Variants in WWOX observed in about 807,000 individuals in gnomAD.
WWOX encodes WW domain containing oxidoreductase.
A neutral mutation model predicts 46.2 loss-of-function variants in WWOX; 69 were observed. That is an observed-to-expected ratio of 1.49 (90% CI 1.23 to 1.82). The LOEUF is 1.82. WWOX is among the 40% of genes most tolerant of loss of function. The pLI, the probability that WWOX is intolerant of heterozygous loss-of-function variation, is 0.00. For missense variants in WWOX, 919 were observed against 542.6 expected (o/e 1.69, Z -6.89); for synonymous variants, 359 against 202.6 (o/e 1.77, Z -6.56).
chr16:78,598,465 T>G (rs1465637494), intron 8 of WWOX, among the ~76,000 whole-genome samples: 1 of 152,148 alleles, frequency 6.6e-6, no homozygotes, highest in Non-Finnish European at 1.5e-5. Context: ...CCTGTGCATT[T>G]TGGTTCATTT....
intron 8 of WWOX, among the ~76,000 whole-genome samples, chr16:79,155,810 T>C (rs145604992): frequency 2.8e-3 from 422 of 152,178 alleles, no homozygotes; most frequent in Non-Finnish European, 5.3e-3. Flanking sequence ...CCTTGTCTTA[T>C]ACCAGTGGTG....
intron 8 of WWOX, among the ~76,000 whole-genome samples, chr16:78,887,062 TATGTGTGTGTGTGTG>T (rs2044473546): frequency 1.1e-5 from 1 of 87,228 alleles, no homozygotes; most frequent in Non-Finnish European, 2.8e-5. Context: ...AGTCTGGCTA[TATGTGTGTGTGTGTG>T]GTGTGTGTGT....
chr16:78,616,616 A>G (rs760095421), intron 8 of WWOX, among the ~76,000 whole-genome samples: 2 of 151,512 alleles, frequency 1.3e-5, no homozygotes, highest in African/African-American at 4.9e-5. Context: ...CTAAAACTAA[A>G]AACTTAGCCA....
At chr16:78,191,200 C>G (rs1012522450) in intron 5 of WWOX, among the ~76,000 whole-genome samples, 11 of 152,256 alleles carry the variant, frequency 7.2e-5, no homozygotes, top group Non-Finnish European at 1.0e-4. Context: ...CCACACACAC[C>G]TTTGTGAGAA....
chr16:78,449,922 C>T (rs1257979365), intron 8 of WWOX, among the ~76,000 whole-genome samples: 1 of 151,028 alleles, frequency 6.6e-6, no homozygotes, highest in Non-Finnish European at 1.5e-5. Flanking sequence ...AGCCATAAAG[C>T]TTGGTAAGGC....
At chr16:78,294,415 C>G (rs768022878) in intron 5 of WWOX, among the ~76,000 whole-genome samples, 4 of 149,808 alleles carry the variant, frequency 2.7e-5, no homozygotes, top group African/African-American at 7.4e-5. Flanking sequence ...AACACCTCCT[C>G]TTTCCAATAT....
intron 8 of WWOX, among the ~76,000 whole-genome samples, chr16:79,112,239 C>G (rs570433189): frequency 6.6e-6 from 1 of 152,116 alleles, no homozygotes; most frequent in South Asian, 2.1e-4. Flanking sequence ...GTCTACTGAC[C>G]CAACAAAAGG....
chr16:78,740,558 C>T (rs2142414088), intron 8 of WWOX, among the ~76,000 whole-genome samples: 1 of 152,222 alleles, frequency 6.6e-6, no homozygotes, highest in South Asian at 2.1e-4. Flanking sequence ...AGGGGGATTC[C>T]ACAGTGTGTG....
intron 8 of WWOX, among the ~76,000 whole-genome samples, chr16:78,474,992 A>C (rs1006120977): frequency 6.6e-6 from 1 of 152,220 alleles, no homozygotes; most frequent in Non-Finnish European, 1.5e-5. Context: ...CGCCAGGTTT[A>C]TGAGATTCAT....
intron 8 of WWOX, among the ~76,000 whole-genome samples, chr16:78,606,732 T>C (rs1003908373): frequency 6.6e-6 from 1 of 150,672 alleles, no homozygotes. Context: ...TTTTTTTTTT[T>C]TTTTTTTTTT....
chr16:78,772,085 G>C (rs1413818878), intron 8 of WWOX, among the ~76,000 whole-genome samples: 1 of 152,102 alleles, frequency 6.6e-6, no homozygotes, highest in Non-Finnish European at 1.5e-5. Flanking sequence ...GTGCAGGTTT[G>C]TTATATAGGT....
chr16:78,453,122 T>C (rs900008053), intron 8 of WWOX, among the ~76,000 whole-genome samples: 3 of 152,098 alleles, frequency 2.0e-5, no homozygotes, highest in Non-Finnish European at 2.9e-5. Flanking sequence ...ATATGTGTAT[T>C]TGTAAAAAAT....
At chr16:78,893,016 C>T (rs1597115786) in intron 8 of WWOX, among the ~76,000 whole-genome samples, 1 of 152,160 alleles carries the variant, frequency 6.6e-6, no homozygotes, top group Non-Finnish European at 1.5e-5. Context: ...AGCCCAGCTT[C>T]TCTGGTAGCA....
intron 8 of WWOX, chr16:78,506,695 G>GTTTTTTTTTTTTTTT (rs1159884484): frequency 3.5e-4 from 3 of 8,640 alleles, no homozygotes; most frequent in Non-Finnish European, 7.7e-4. Context: ...CTTTTTGTGT[G>GTTTTTTTTTTTTTTT]TTTTTTTTTT....
chr16:78,560,038 C>CTT (rs2044397008), intron 8 of WWOX, among the ~76,000 whole-genome samples: 1 of 152,140 alleles, frequency 6.6e-6, no homozygotes, highest in South Asian at 2.1e-4. Context: ...AGGCTGTTGT[C>CTT]TTTTTTAGTG....
Position 79,001,647 on chromosome 16 carries a change from A to G in WWOX, c.1057-209961A>G, listed in dbSNP as rs540815045. Among the ~76,000 whole-genome samples, 290 of 148,998 alleles carry G rather than the reference A, an allele frequency of 1.9e-3. 1 individual carries two copies. Among genetic ancestry groups the G allele is most frequent in the Non-Finnish European group, 3.0e-3 (200 of 67,076 alleles). ...AATAAACTACTCTATATTATGTGGG[A>G]AAAAAAAAAGGAGCTGGTGGCAGGG... is the stretch of plus-strand genomic sequence containing the variant. On this transcript the variant is annotated intron_variant, in intron 8 of 8. Coordinates refer to ENST00000566780, the MANE Select transcript of WWOX (RefSeq NM_016373.4).
chr16:79,145,421 C>T (rs767471644), intron 8 of WWOX, among the ~76,000 whole-genome samples: 4 of 152,072 alleles, frequency 2.6e-5, no homozygotes, highest in Admixed American at 6.6e-5. Context: ...AGGCTGGTCT[C>T]GATCTCCTAG....
chr16:78,899,587 C>G (rs1249499196), intron 8 of WWOX: 1 of 152,168 alleles, frequency 6.6e-6, no homozygotes, highest in African/African-American at 2.4e-5. Context: ...TCATCCTGAA[C>G]AACGGGAACA....
chr16:78,402,988 A>G (rs1011512652), intron 6 of WWOX, among the ~76,000 whole-genome samples: 2 of 152,174 alleles, frequency 1.3e-5, no homozygotes, highest in Non-Finnish European at 2.9e-5. Flanking sequence ...AGAGGATGTC[A>G]GAGTACATTA....
Sources: allele counts gnomAD v4.1 joint callset (sites outside exome capture counted in the v4.1 genomes callset), GRCh38; gene constraint gnomAD v4.1.1; transcripts MANE v1.5; gene names NCBI Gene and HGNC (gene_info 2026-07-23, HGNC 2026-07-21).